Variants in FHIT observed in about 807,000 individuals in gnomAD.
The protein encoded by FHIT is bis(5'-adenosyl)-triphosphatase.
Under a neutral mutation model 17.9 loss-of-function variants are expected in FHIT, and 19 were observed. That is an observed-to-expected ratio of 1.06 (90% CI 0.74 to 1.56). FHIT has a LOEUF of 1.56. FHIT is among the 40% of genes most tolerant of loss of function. FHIT has a pLI of 0.00. For synonymous variants in FHIT, 81 were observed against 69.7 expected, an observed-to-expected ratio of 1.16 and a Z score of -0.81; for missense variants, 248 against 189.2, an observed-to-expected ratio of 1.31 and a Z score of -1.82.
intron 5 of FHIT, among the ~76,000 whole-genome samples, chr3:60,180,675 C>T (rs774807253): frequency 3.3e-5 from 5 of 152,100 alleles, no homozygotes; most frequent in Admixed American, 1.3e-4. Context: ...GTTGTAAAAA[C>T]GTATGGAGGT....
intron 3 of FHIT, among the ~76,000 whole-genome samples, chr3:60,855,370 G>C (rs1407399232): frequency 2.0e-5 from 3 of 152,094 alleles, no homozygotes; most frequent in African/African-American, 7.2e-5. Context: ...GTTGCAAGAG[G>C]AGAAAGCCTT....
chr3:60,517,674 C>T (rs1010692576), intron 5 of FHIT, among the ~76,000 whole-genome samples: 3 of 152,242 alleles, frequency 2.0e-5, no homozygotes, highest in East Asian at 3.9e-4. Flanking sequence ...TAAAACAGCA[C>T]CATAACGTCA....
intron 3 of FHIT, among the ~76,000 whole-genome samples, chr3:60,992,876 A>G (rs1466845502): frequency 6.6e-6 from 1 of 152,190 alleles, no homozygotes; most frequent in Non-Finnish European, 1.5e-5. Flanking sequence ...TGTATTTAGA[A>G]AGTACTTTCT....
At chr3:60,362,336 G>C (rs1013164617) in intron 5 of FHIT, among the ~76,000 whole-genome samples, 1 of 152,080 alleles carries the variant, frequency 6.6e-6, no homozygotes, top group Non-Finnish European at 1.5e-5. Context: ...TTGATATTGA[G>C]ATACAATACT....
At position 60,515,576 on chromosome 3, in the gene FHIT, T is replaced by TA. The variant is rs67857835; in HGVS notation, c.103+21283dup. Reference sequence around the variant, plus strand: ...ACAAAGGGAAGTTTGGGCTTTAATTTAAAAAAAAAAAAAAAATGTTCACGG... The same window carrying TA: ...ACAAAGGGAAGTTTGGGCTTTAATTTAAAAAAAAAAAAAAAAATGTTCACGG... On this transcript the variant is annotated intron_variant, in intron 5 of 9. Transcript: ENST00000492590. Among the ~76,000 whole-genome samples, 85 of 144,200 alleles carry TA rather than the reference T, an allele frequency of 5.9e-4. 1 individual carries two copies. Among genetic ancestry groups the TA allele is most frequent in the East Asian group, 1.0e-3 (5 of 4,850 alleles). 94.6% of individuals were successfully genotyped at this position (144,200 alleles called of 152,430 possible).
intron 3 of FHIT, among the ~76,000 whole-genome samples, chr3:60,873,103 T>G (rs1704482409): frequency 6.6e-6 from 1 of 151,466 alleles, no homozygotes; most frequent in Non-Finnish European, 1.5e-5. Flanking sequence ...TTTTTGTTTT[T>G]GGAGGAGGGG....
intron 7 of FHIT, among the ~76,000 whole-genome samples, chr3:60,004,092 C>T (rs917973164): frequency 4.6e-5 from 7 of 152,016 alleles, no homozygotes; most frequent in African/African-American, 1.7e-4. Context: ...GAGTAACCGG[C>T]CTTACTACAT....
Position 59,955,016 on chromosome 3 carries a change from C to A in FHIT, c.280-32602G>T, listed in dbSNP as rs533588189. Reference sequence around the variant, plus strand: ...ATTCAGACCCTGGAGAAGCCAGCTTCACTTTTGAAAGCTGAGCTGATCCAC... The same window carrying A: ...ATTCAGACCCTGGAGAAGCCAGCTTAACTTTTGAAAGCTGAGCTGATCCAC... On this transcript the variant is annotated intron_variant, in intron 7 of 9. Transcript: ENST00000492590. 4.6e-5 allele frequency among the ~76,000 whole-genome samples: 7 copies of A among 152,348 alleles called. 1 individual carries two copies. In the South Asian group the frequency reaches 1.4e-3, roughly 32 times the overall value.
chr3:60,530,559 A>C lies in FHIT; in HGVS notation c.103+6301T>G, dbSNP rs114516316. ...AAACTTGGGAGAGGAAGAGACTAGCAAGGAGGGCTTCCCCTTCCCCTCTAG... is the reference window on the plus strand; with the variant it reads ...AAACTTGGGAGAGGAAGAGACTAGCCAGGAGGGCTTCCCCTTCCCCTCTAG... On this transcript the variant is annotated intron_variant, in intron 5 of 9. Coordinates refer to ENST00000492590, the MANE Select transcript of FHIT (RefSeq NM_002012.4). 5.0e-3 allele frequency among the ~76,000 whole-genome samples: 759 copies of C among 152,302 alleles called. 8 individuals carry two copies. The highest frequency in any genetic ancestry group is 0.018 in the African/African-American group (735 of 41,562).
chr3:61,020,883 C>T (rs2032385919), intron 3 of FHIT, among the ~76,000 whole-genome samples: 1 of 152,108 alleles, frequency 6.6e-6, no homozygotes, highest in African/African-American at 2.4e-5. Context: ...AGTTGCAATA[C>T]TAGTCTCTGA....
intron 8 of FHIT, among the ~76,000 whole-genome samples, chr3:59,758,992 C>CA (rs1701364303): frequency 2.6e-5 from 4 of 151,794 alleles, no homozygotes; most frequent in Admixed American, 2.6e-4. Context: ...AGAACTCCGT[C>CA]AAAAAATGGT....
chr3:60,355,378 T>C (rs941461942), intron 5 of FHIT, among the ~76,000 whole-genome samples: 1 of 152,150 alleles, frequency 6.6e-6, no homozygotes, highest in Non-Finnish European at 1.5e-5. Context: ...TGACTTCTTC[T>C]TATCTAATCT....
At chr3:60,949,582 C>T (rs1220448625) in intron 3 of FHIT, among the ~76,000 whole-genome samples, 1 of 152,176 alleles carries the variant, frequency 6.6e-6, no homozygotes, top group Non-Finnish European at 1.5e-5. Flanking sequence ...CACTTCCCTC[C>T]TCCCTATCCT....
chr3:60,820,701 G>A (rs1294421913), intron 4 of FHIT, among the ~76,000 whole-genome samples: 3 of 152,184 alleles, frequency 2.0e-5, no homozygotes, highest in African/African-American at 7.2e-5. Context: ...AGTGGATACA[G>A]GAAACTGGGA....
intron 7 of FHIT, among the ~76,000 whole-genome samples, chr3:59,956,723 G>A (rs1287344120): frequency 2.0e-5 from 3 of 152,136 alleles, no homozygotes; most frequent in African/African-American, 4.8e-5. Context: ...TTAATCATCT[G>A]TAAAATGGGG....
intron 1 of FHIT, among the ~76,000 whole-genome samples, chr3:61,209,833 A>C (rs1360907208): frequency 5.9e-5 from 9 of 152,064 alleles, no homozygotes; most frequent in Admixed American, 5.2e-4. Context: ...TTCTCCATCC[A>C]GCTTTGTTCC....
chr3:60,147,501 T>C (rs1466215836), intron 5 of FHIT, among the ~76,000 whole-genome samples: 1 of 152,138 alleles, frequency 6.6e-6, no homozygotes, highest in Non-Finnish European at 1.5e-5. Flanking sequence ...GGTGTCATAA[T>C]ACAGAGGTGA....
intron 1 of FHIT, among the ~76,000 whole-genome samples, chr3:61,227,131 T>C (rs1277711384): frequency 1.3e-5 from 2 of 151,860 alleles, no homozygotes; most frequent in African/African-American, 4.8e-5. Flanking sequence ...GAGAGAAGAG[T>C]GACAAGTGGA....
At chr3:61,202,300 T>G (rs2039045927) in intron 1 of FHIT, among the ~76,000 whole-genome samples, 1 of 149,636 alleles carries the variant, frequency 6.7e-6, no homozygotes, top group African/African-American at 2.5e-5. Context: ...CGCTGCCCTG[T>G]CCGGGAAGTG....
Sources: allele counts gnomAD v4.1 joint callset (sites outside exome capture counted in the v4.1 genomes callset), GRCh38; gene constraint gnomAD v4.1.1; transcripts MANE v1.5; gene names NCBI Gene and HGNC (gene_info 2026-07-23, HGNC 2026-07-21).